MET: variants seen among roughly 807,000 people sequenced by gnomAD.
The protein encoded by MET is MET proto-oncogene, receptor tyrosine kinase.
A neutral mutation model predicts 133.1 loss-of-function variants in MET; 48 were observed. The observed-to-expected ratio is 0.36, with a 90% confidence interval of 0.29 to 0.46. MET has a LOEUF of 0.46. Ranked by LOEUF, MET falls within the 20% of genes least tolerant of loss-of-function variation. The pLI, the probability that MET is intolerant of heterozygous loss-of-function variation, is 1.00. For synonymous variants in MET, 628 were observed against 616.5 expected (o/e 1.02, Z -0.28); for missense variants, 1,442 against 1,695.9 (o/e 0.85, Z 2.63).
rs2117031958 is a variant in MET, at chr7:116,775,074, T to C, written c.3222T>C (p.Ser1074=). 3 of 1,614,198 alleles carry C rather than the reference T, an allele frequency of 1.9e-6. No individual in the cohort carries two copies. Among genetic ancestry groups the C allele is most frequent in the Non-Finnish European group, 2.5e-6 (3 of 1,179,992 alleles). The change falls in exon 15 of 21, where the codon AGT becomes AGC. Residue 1074 remains serine, a synonymous_variant. Coordinates refer to ENST00000397752, the MANE Select transcript of MET (RefSeq NM_000245.4). ...QAVQHVVIGP[S]SLIVHFNEVI... ...TGCAGCATGTAGTGATTGGGCCCAGTAGCCTGATTGTGCATTTCAATGAAG... is the reference window on the plus strand; with the variant it reads ...TGCAGCATGTAGTGATTGGGCCCAGCAGCCTGATTGTGCATTTCAATGAAG...
chr7:116,707,999 T>C (rs1402062262), intron 2 of MET, among the ~76,000 whole-genome samples: 1 of 152,128 alleles, frequency 6.6e-6, no homozygotes, highest in Non-Finnish European at 1.5e-5. Context: ...TTAATTCATG[T>C]AACCAAGATT....
At chr7:116,757,386 C>CA in intron 6 of MET, 51 bp from the exon 7 acceptor site, 1 of 1,471,356 alleles carries the variant, frequency 6.8e-7, no homozygotes, top group South Asian at 1.1e-5. Context: ...ACAACCTAAC[C>CA]AGAAAATTCC....
At chr7:116,724,331 G>A (rs1333788480) in intron 2 of MET, 1 of 181,398 alleles carries the variant, frequency 5.5e-6, no homozygotes, top group Non-Finnish European at 1.2e-5. Flanking sequence ...TTCGGCTCGC[G>A]CACGGTGCAC....
chr7:116,733,529 T>C (rs929879598), intron 3 of MET, among the ~76,000 whole-genome samples: 2 of 152,230 alleles, frequency 1.3e-5, no homozygotes, highest in East Asian at 3.8e-4. Flanking sequence ...GAGTAAATTC[T>C]GCTGTGTGAC....
intron 17 of MET, among the ~76,000 whole-genome samples, chr7:116,781,533 G>C (rs1294717831): frequency 6.6e-6 from 1 of 152,116 alleles, no homozygotes; most frequent in African/African-American, 2.4e-5. Context: ...CTTAACAAAT[G>C]GTTGATCTGT....
chr7:116,739,815 G>C, intron 3 of MET, 135 bp from the exon 4 acceptor site: 2 of 1,205,620 alleles, frequency 1.7e-6, no homozygotes, highest in Non-Finnish European at 2.5e-6. Flanking sequence ...TTTACAATGA[G>C]GGGAACTGTT....
At chr7:116,750,042 A>G (rs1266871309) in intron 5 of MET, among the ~76,000 whole-genome samples, 1 of 152,224 alleles carries the variant, frequency 6.6e-6, no homozygotes, top group Non-Finnish European at 1.5e-5. Context: ...ATCCCCATAA[A>G]GCTACCATTG....
chr7:116,783,591 AT>A, intron 19 of MET, 122 bp downstream of exon 19: 2 of 967,320 alleles, frequency 2.1e-6, no homozygotes, highest in Non-Finnish European at 3.1e-6. Flanking sequence ...TTTTCTTCAT[AT>A]GTAAAAATGG....
At chr7:116,776,886 T>C (rs1456544879) in intron 15 of MET, among the ~76,000 whole-genome samples, 1 of 152,256 alleles carries the variant, frequency 6.6e-6, no homozygotes, top group Non-Finnish European at 1.5e-5. Flanking sequence ...AACCAGTGAC[T>C]AATGGGGAAA....
chr7:116,785,815 T>A (rs1795294326), intron 19 of MET, among the ~76,000 whole-genome samples: 2 of 150,818 alleles, frequency 1.3e-5, no homozygotes, highest in Non-Finnish European at 3.0e-5. Context: ...AAGTCAAAGA[T>A]TAGCAAAGAT....
chr7:116,788,887 A>G (rs1181749563), intron 19 of MET, among the ~76,000 whole-genome samples: 1 of 152,202 alleles, frequency 6.6e-6, no homozygotes, highest in East Asian at 1.9e-4. Context: ...CTTTAAGTCC[A>G]TTCAAACAAA....
intron 12 of MET, among the ~76,000 whole-genome samples, chr7:116,770,236 CT>C (rs1490873465): frequency 1.3e-5 from 2 of 152,124 alleles, no homozygotes; most frequent in African/African-American, 4.8e-5. Flanking sequence ...TTTACAGTAA[CT>C]TTTTTCGTGT....
rs970229176 is a variant in MET at position 116,748,881 on chromosome 7, T to C, written c.1702-6474T>C. Among the ~76,000 whole-genome samples, 98 of 152,278 alleles carry C rather than the reference T, an allele frequency of 6.4e-4. 2 individuals carry two copies. Among genetic ancestry groups the C allele is most frequent in the African/African-American group, 2.3e-3 (97 of 41,556 alleles). On this transcript the variant is annotated intron_variant, in intron 5 of 20. Coordinates refer to ENST00000397752, the MANE Select transcript of MET (RefSeq NM_000245.4). ...AGAAATGGATAAATTCCTGGACACA[T>C]ACAGCCTCCCAAGACTAAACTAGGA... is the stretch of plus-strand genomic sequence containing the variant.
At chr7:116,724,858 C>A in intron 2 of MET, 3 of 1,286,530 alleles carry the variant, frequency 2.3e-6, no homozygotes, top group East Asian at 5.5e-5. Context: ...GTAATGTGAA[C>A]ACTCAGTGCC....
intron 3 of MET, among the ~76,000 whole-genome samples, chr7:116,736,767 A>G (rs1262935003): frequency 6.6e-6 from 1 of 152,236 alleles, no homozygotes; most frequent in Non-Finnish European, 1.5e-5. Flanking sequence ...TGACCTAATT[A>G]CTAAAGATTA....
In MET at chr7:116,777,378, C is replaced by G. The variant is rs1795027494; in HGVS notation, c.3260-11C>G. 6.2e-7 allele frequency: 1 copy of G among 1,612,770 alleles called. No homozygotes were observed. The highest frequency in any genetic ancestry group is 8.5e-7 in the Non-Finnish European group (1 of 1,178,842). On this transcript the variant is annotated splice_polypyrimidine_tract_variant and intron_variant, in intron 15 of 20. Transcript: ENST00000397752. ...TTACGCAGTGCTAACCAAGTTCTTT[C>G]TTTTGCACAGGGCATTTTGGTTGTG... is the stretch of plus-strand genomic sequence containing the variant.
intron 18 of MET, among the ~76,000 whole-genome samples, chr7:116,782,804 T>G (rs1038782604): frequency 6.6e-6 from 1 of 152,254 alleles, no homozygotes; most frequent in African/African-American, 2.4e-5. Flanking sequence ...TGCTTTACTG[T>G]GTATCCTAGT....
chr7:116,739,840 A>C, intron 3 of MET, 110 bp from the exon 4 acceptor site: 1 of 1,503,346 alleles, frequency 6.7e-7, no homozygotes, highest in Non-Finnish European at 9.2e-7. Context: ...CTTCAGTTCA[A>C]ACACCCACAA....
intron 2 of MET, among the ~76,000 whole-genome samples, chr7:116,704,063 G>A (rs1249703413): frequency 6.6e-6 from 1 of 152,022 alleles, no homozygotes. Flanking sequence ...AAAGCATTTG[G>A]TGCCAGACAC....
Sources: allele counts gnomAD v4.1 joint callset (sites outside exome capture counted in the v4.1 genomes callset), GRCh38; gene constraint gnomAD v4.1.1; transcripts MANE v1.5; gene names NCBI Gene and HGNC (gene_info 2026-07-23, HGNC 2026-07-21).